Variants in CHST15 observed in about 807,000 individuals in gnomAD.
The protein encoded by CHST15 is B cell RAG associated protein (GALNAC4S-6ST).
Under a neutral mutation model 53.6 loss-of-function variants are expected in CHST15, and 30 were observed. That is an observed-to-expected ratio of 0.56 (90% CI 0.42 to 0.76). CHST15 has a LOEUF of 0.76. CHST15 is among the 30% of genes least tolerant of loss of function. The probability of loss-of-function intolerance (pLI) is 0.00; values close to 1 mark genes in which losing one functional copy is unlikely to be tolerated. For synonymous variants in CHST15, 296 were observed against 289.8 expected (o/e 1.02, Z -0.22); for missense variants, 627 against 740.5 (o/e 0.85, Z 1.78).
In CHST15 at chr10:124,045,132, A is replaced by AAAC. The variant is rs1564882268; in HGVS notation, c.547-214_547-213insGTT. Reference sequence around the variant, plus strand: ...CCCCACAAAAAAAAAAAAAAAAAAAAAAAAAAAAAAAACTTGGAGAGAATA... The same window carrying AAAC: ...CCCCACAAAAAAAAAAAAAAAAAAAAAACAAAAAAAAAAAACTTGGAGAGAATA... On this transcript the variant is annotated intron_variant, in intron 2 of 7. Coordinates refer to ENST00000435907, the MANE Select transcript of CHST15 (RefSeq NM_001270764.2). 4.5e-4 allele frequency among the ~76,000 whole-genome samples: 66 copies of AAAC among 145,804 alleles called. 2 individuals are homozygous for AAAC. Among genetic ancestry groups the AAAC allele is most frequent in the South Asian group, 1.1e-3 (5 of 4,672 alleles).
chr10:124,073,844 G>T (rs114901044), intron 1 of CHST15, among the ~76,000 whole-genome samples: 336 of 152,192 alleles, frequency 2.2e-3, no homozygotes, highest in African/African-American at 7.8e-3. Context: ...CTTATTTTAC[G>T]ACCCGCCTCT....
chr10:124,022,353 C>T (rs533560531), intron 5 of CHST15, among the ~76,000 whole-genome samples: 15 of 152,322 alleles, frequency 9.8e-5, no homozygotes, highest in African/African-American at 1.4e-4. Context: ...ACCAGTCAGA[C>T]GTCCCCTTTG....
At chr10:124,016,636 CA>C (rs1564850235) in intron 6 of CHST15, among the ~76,000 whole-genome samples, 2 of 152,200 alleles carry the variant, frequency 1.3e-5, no homozygotes, top group African/African-American at 4.8e-5. Flanking sequence ...CCCTGAGTGT[CA>C]AACGCCAGCA....
At chr10:124,054,484 A>C (rs1948308622) in intron 1 of CHST15, among the ~76,000 whole-genome samples, 2 of 152,218 alleles carry the variant, frequency 1.3e-5, no homozygotes, top group African/African-American at 4.8e-5. Context: ...GCATTTCCCC[A>C]AGATCAGATC....
At chr10:124,085,520 CAGG>C (rs1949391484) in intron 1 of CHST15, among the ~76,000 whole-genome samples, 1 of 152,202 alleles carries the variant, frequency 6.6e-6, no homozygotes, top group Non-Finnish European at 1.5e-5. Flanking sequence ...ATAAAACCTC[CAGG>C]AGAACCTAGC....
intron 5 of CHST15, among the ~76,000 whole-genome samples, chr10:124,034,725 C>T (rs557136223): frequency 6.8e-6 from 1 of 147,086 alleles, no homozygotes; most frequent in African/African-American, 2.6e-5. Flanking sequence ...CGGCTCCACC[C>T]CCTAACAGGG....
chr10:124,044,747 A>G lies in CHST15; in HGVS notation c.719T>C (p.Leu240Pro), dbSNP rs1243304457. The change falls in exon 3 of 8, where the codon CTG becomes CCG. Residue 240 changes from leucine (L) to proline (P), a missense_variant. This residue lies in a region of CHST15 where 161 missense variants were observed against 117.2 expected (regional missense o/e 1.37). Transcript: ENST00000435907. ...GAAGTGCTTCCCGTGCGCGTGCGCC[A>G]GGTGGCCCCAGAAGGCCTTGCGCAG... Reference protein sequence around the residue: ...DALRKAFWGHLAHAHGKHFRL... With the variant: ...DALRKAFWGHPAHAHGKHFRL... 9 of 1,613,172 alleles carry G rather than the reference A, an allele frequency of 5.6e-6. No individual in the cohort carries two copies. The highest frequency in any genetic ancestry group is 1.7e-5 in the Admixed American group (1 of 59,878).
At chr10:124,035,878 C>G (rs948034182) in intron 5 of CHST15, among the ~76,000 whole-genome samples, 1 of 152,206 alleles carries the variant, frequency 6.6e-6, no homozygotes, top group Admixed American at 6.5e-5. Flanking sequence ...GAACTGCAAC[C>G]AACCACAGCC....
rs544388917 is a variant in CHST15 at position 124,014,330 on chromosome 10, A to T, written c.1348-1850T>A. Among the ~76,000 whole-genome samples, 12 of 152,336 alleles carry T rather than the reference A, an allele frequency of 7.9e-5. No homozygotes were observed. The East Asian group carries it at 2.3e-3, about 29-fold the overall frequency. On this transcript the variant is annotated intron_variant, in intron 6 of 7. Coordinates refer to ENST00000435907, the MANE Select transcript of CHST15 (RefSeq NM_001270764.2). ...AATAAGACAATGAAAGATTGGGCAA[A>T]ATATGTACAGATGCTAACTATTCTT...
chr10:124,035,184 T>TCCGCCCCCTAAAGGGGACCCC (rs1947426221), intron 5 of CHST15, among the ~76,000 whole-genome samples: 1 of 92,240 alleles, frequency 1.1e-5, no homozygotes, highest in Admixed American at 1.3e-4. Context: ...ACGGGGACCC[T>TCCGCCCCCTAAAGGGGACCCC]GGTTCCACCC....
At chr10:124,053,977 C>G (rs1373982253) in intron 1 of CHST15, among the ~76,000 whole-genome samples, 1 of 152,132 alleles carries the variant, frequency 6.6e-6, no homozygotes, top group Non-Finnish European at 1.5e-5. Flanking sequence ...AATCAAGACA[C>G]AATGGCTGAA....
At chr10:124,058,497 C>G (rs1295591384) in intron 1 of CHST15, among the ~76,000 whole-genome samples, 1 of 152,184 alleles carries the variant, frequency 6.6e-6, no homozygotes, top group Non-Finnish European at 1.5e-5. Context: ...AAAATCCAAC[C>G]GCTGGTCTGT....
chr10:124,010,457 AT>A, intron 7 of CHST15, 118 bp from the exon 8 acceptor site: 1 of 1,406,948 alleles, frequency 7.1e-7, no homozygotes, highest in Non-Finnish European at 9.2e-7. Context: ...AAGAGAACAT[AT>A]TTAGGGATTA....
chr10:124,053,897 C>T (rs1176511509), intron 1 of CHST15, among the ~76,000 whole-genome samples: 1 of 151,982 alleles, frequency 6.6e-6, no homozygotes, highest in Non-Finnish European at 1.5e-5. Context: ...CCAGCCTGTG[C>T]AACAGAGTGA....
At chr10:124,063,059 G>A (rs765218348) in intron 1 of CHST15, among the ~76,000 whole-genome samples, 40 of 152,058 alleles carry the variant, frequency 2.6e-4, no homozygotes, top group Non-Finnish European at 4.7e-4. Flanking sequence ...GGCAAAGAGA[G>A]AGAGATCCAG....
In CHST15 at chr10:124,037,103, G is replaced by A. The variant is rs537598180; in HGVS notation, c.1190+1412C>T. ...CTGGTGGCAGCATCACTCCAGCCTC[G>A]TCAAGAGGCATGCTCCCTGTGTCTT... On this transcript the variant is annotated intron_variant, in intron 5 of 7. Transcript: ENST00000435907. 2.2e-4 allele frequency among the ~76,000 whole-genome samples: 33 copies of A among 152,250 alleles called. No individual in the cohort carries two copies. In the Middle Eastern group the frequency reaches 0.014, roughly 63 times the overall value.
At chr10:124,050,045 T>TGGGGGC in intron 1 of CHST15, among the ~76,000 whole-genome samples, 1 of 151,680 alleles carries the variant, frequency 6.6e-6, no homozygotes, top group Non-Finnish European at 1.5e-5. Flanking sequence ...GGCGTGGGGG[T>TGGGGGC]GGGGGCCTCT....
At chr10:124,040,724 G>A (rs529089178) in intron 4 of CHST15, among the ~76,000 whole-genome samples, 8 of 152,346 alleles carry the variant, frequency 5.3e-5, no homozygotes, top group South Asian at 4.1e-4. Flanking sequence ...AAAAATGAAC[G>A]GCCGCAAGGC....
At chr10:124,085,802 G>A (rs1590377604) in intron 1 of CHST15, among the ~76,000 whole-genome samples, 1 of 152,156 alleles carries the variant, frequency 6.6e-6, no homozygotes, top group Non-Finnish European at 1.5e-5. Flanking sequence ...AGGGAGGTAC[G>A]GGGAGCAGAT....
Sources: allele counts gnomAD v4.1 joint callset (sites outside exome capture counted in the v4.1 genomes callset), GRCh38; gene constraint gnomAD v4.1.1; regional missense constraint gnomAD v4.1.1; transcripts MANE v1.5; gene names NCBI Gene and HGNC (gene_info 2026-07-23, HGNC 2026-07-21).